Variants in TEK observed in about 807,000 individuals in gnomAD.
TEK encodes the protein TEK receptor tyrosine kinase.
TEK carries 43 observed loss-of-function variants against 131.8 expected under a neutral mutation model. The observed-to-expected ratio is 0.33, with a 90% CI of 0.26 to 0.42. The LOEUF is 0.42. Ranked by LOEUF, TEK falls within the 10% of genes least tolerant of loss-of-function variation. TEK has a pLI of 1.00. For synonymous variants in TEK, 580 were observed against 491.6 expected, an observed-to-expected ratio of 1.18 and a Z score of -2.38; for missense variants, 1,162 against 1,384.4, an observed-to-expected ratio of 0.84 and a Z score of 2.55.
intron 12 of TEK, among the ~76,000 whole-genome samples, chr9:27,198,999 T>G (rs1825123418): frequency 1.3e-5 from 2 of 152,030 alleles, no homozygotes; most frequent in African/African-American, 4.8e-5. Flanking sequence ...GGGATCTCCC[T>G]ATGTTGCCCA....
intron 18 of TEK, among the ~76,000 whole-genome samples, 180 bp downstream of exon 18, chr9:27,213,777 C>T (rs1825718381): frequency 6.6e-6 from 1 of 152,164 alleles, no homozygotes; most frequent in African/African-American, 2.4e-5. Flanking sequence ...ATGATTGCAG[C>T]ATCTGCATTA....
chr9:27,178,929 T>A (rs1217425078), intron 6 of TEK, among the ~76,000 whole-genome samples: 1 of 152,270 alleles, frequency 6.6e-6, no homozygotes, highest in Non-Finnish European at 1.5e-5. Flanking sequence ...AACCATGATG[T>A]GCCTATGCAT....
intron 1 of TEK, among the ~76,000 whole-genome samples, chr9:27,134,347 A>G (rs1044722012): frequency 3.3e-5 from 5 of 152,214 alleles, no homozygotes; most frequent in Admixed American, 2.6e-4. Context: ...TAGGGACTCT[A>G]TTGAGTGTAC....
At chr9:27,146,125 T>C (rs544772461) in intron 1 of TEK, among the ~76,000 whole-genome samples, 80 of 152,328 alleles carry the variant, frequency 5.3e-4, no homozygotes, top group African/African-American at 1.8e-3. Context: ...TAATACCCTA[T>C]TACATGTATG....
At chr9:27,175,011 A>C in intron 6 of TEK, among the ~76,000 whole-genome samples, 1 of 149,986 alleles carries the variant, frequency 6.7e-6, no homozygotes, top group African/African-American at 2.5e-5. Context: ...TTATACTGTA[A>C]GTTTTAGGGT....
At chr9:27,201,456 A>G (rs189593466) in intron 12 of TEK, among the ~76,000 whole-genome samples, 1 of 152,136 alleles carries the variant, frequency 6.6e-6, no homozygotes, top group South Asian at 2.1e-4. Context: ...TACTCCTTCA[A>G]TCTCATGTGG....
At chr9:27,215,286 C>G (rs377421556) in intron 18 of TEK, among the ~76,000 whole-genome samples, 2 of 150,640 alleles carry the variant, frequency 1.3e-5, no homozygotes, top group South Asian at 4.2e-4. Flanking sequence ...TGTTCTTTAG[C>G]ACCTTGGGGC....
intron 2 of TEK, among the ~76,000 whole-genome samples, chr9:27,165,829 C>T (rs1823708888): frequency 6.6e-6 from 1 of 152,202 alleles, no homozygotes; most frequent in Non-Finnish European, 1.5e-5. Flanking sequence ...GCACCAAAGG[C>T]ATTCACATAC....
At chr9:27,184,584 C>G (rs887477668) in intron 8 of TEK, among the ~76,000 whole-genome samples, 4 of 152,140 alleles carry the variant, frequency 2.6e-5, no homozygotes, top group African/African-American at 9.7e-5. Context: ...CTTCCAAAAT[C>G]TTATTGGCTT....
chr9:27,190,588 A>G lies in TEK; in HGVS notation c.1387A>G (p.Ile463Val), dbSNP rs200857533. ...TGACACTGGACATAACTTTGCTGTC[A>G]TCAACATCAGCTCTGAGCCTTACTT... is the stretch of plus-strand genomic sequence containing the variant. ...VIDTGHNFAV[I>V]NISSEPYFGD... Residue 463 changes from isoleucine (I) to valine (V), a missense_variant, in exon 10 of 23, where the codon ATC becomes GTC. Physicochemically the swap from Ile to Val is conservative, Grantham distance 29. Transcript: ENST00000380036. 199 of 1,613,984 alleles carry G rather than the reference A, an allele frequency of 1.2e-4. No individual in the cohort carries two copies. Among genetic ancestry groups the G allele is most frequent in the Non-Finnish European group, 1.3e-4 (159 of 1,179,950 alleles).
chr9:27,211,788 A>C (rs956926214), intron 16 of TEK, among the ~76,000 whole-genome samples: 1 of 152,080 alleles, frequency 6.6e-6, no homozygotes, highest in Non-Finnish European at 1.5e-5. Context: ...TAATTCATAC[A>C]TCATTTTAAA....
intron 9 of TEK, among the ~76,000 whole-genome samples, chr9:27,187,892 A>G (rs934497232): frequency 6.6e-6 from 1 of 152,140 alleles, no homozygotes; most frequent in South Asian, 2.1e-4. Flanking sequence ...AAACCCTAAT[A>G]AACTTATTCT....
chr9:27,137,202 G>A (rs994773691), intron 1 of TEK, among the ~76,000 whole-genome samples: 8 of 147,938 alleles, frequency 5.4e-5, no homozygotes, highest in African/African-American at 1.5e-4. Flanking sequence ...ACAGGTGTGA[G>A]CCACTGTGCC....
chr9:27,181,414 G>A (rs1225655382), intron 7 of TEK, among the ~76,000 whole-genome samples: 1 of 152,136 alleles, frequency 6.6e-6, no homozygotes, highest in Non-Finnish European at 1.5e-5. Context: ...GTTGAAGCCT[G>A]TATTGTTCAA....
At chr9:27,192,715 G>T in intron 11 of TEK, 92 bp downstream of exon 11, 2 of 591,828 alleles carry the variant, frequency 3.4e-6, no homozygotes, top group Non-Finnish European at 2.9e-6. Context: ...GTGGTGGTGG[G>T]TGAGTGGGTG....
chr9:27,126,460 G>A (rs1821993467), intron 1 of TEK, among the ~76,000 whole-genome samples: 2 of 152,168 alleles, frequency 1.3e-5, no homozygotes, highest in African/African-American at 2.4e-5. Context: ...TGTTTATCCA[G>A]GGACTCTGTG....
At chr9:27,129,927 G>A (rs1822146546) in intron 1 of TEK, among the ~76,000 whole-genome samples, 1 of 152,128 alleles carries the variant, frequency 6.6e-6, no homozygotes. Flanking sequence ...TCATAGGTAG[G>A]TTTAAGTATT....
intron 1 of TEK, among the ~76,000 whole-genome samples, chr9:27,143,821 A>G (rs895538922): frequency 1.8e-4 from 27 of 152,352 alleles, no homozygotes; most frequent in Middle Eastern, 3.4e-3. Flanking sequence ...TACCAGGTTT[A>G]TATAGTCAGT....
Position 27,229,813 on chromosome 9 carries a change from T to C in TEK, c.*581T>C. On this transcript the variant is annotated 3_prime_UTR_variant, in exon 23 of 23. Transcript: ENST00000380036. ...GTTTCATTTAGTCATGTGACCACTC[T>C]GTCTTGTGTTTCCACAGCCTGCAAG... 6.3e-6 allele frequency: 1 copy of C among 158,666 alleles called. No individual in the cohort carries two copies. Among genetic ancestry groups the C allele is most frequent in the Admixed American group, 6.0e-5 (1 of 16,770 alleles). The allele number at this position is 158,666 out of a possible 1,614,324, so 9.8% of individuals were successfully genotyped here.
Sources: allele counts gnomAD v4.1 joint callset (sites outside exome capture counted in the v4.1 genomes callset), GRCh38; gene constraint gnomAD v4.1.1; transcripts MANE v1.5; gene names NCBI Gene and HGNC (gene_info 2026-07-23, HGNC 2026-07-21).